The following TMEM132B variants were observed in gnomAD, a reference collection of about 807,000 sequenced individuals.
TMEM132B encodes transmembrane protein 132B.
A neutral mutation model predicts 90.8 loss-of-function variants in TMEM132B; 18 were observed. The ratio of observed to expected loss-of-function variants is 0.20; its 90% CI spans 0.14 to 0.29. The LOEUF is 0.29. Among genes scored for constraint, TMEM132B ranks in the 10% least tolerant of loss-of-function variants. TMEM132B has a pLI of 1.00. For missense variants in TMEM132B, 1,096 were observed against 1,326.8 expected (o/e 0.83, Z 2.70); for synonymous variants, 504 against 523.3 (o/e 0.96, Z 0.50).
intron 2 of TMEM132B, among the ~76,000 whole-genome samples, chr12:125,358,606 T>C (rs1593103015): frequency 6.6e-6 from 1 of 152,200 alleles, no homozygotes; most frequent in East Asian, 1.9e-4. Flanking sequence ...TTTGGGTCTG[T>C]CTGGTGTTTT....
intron 1 of TMEM132B, among the ~76,000 whole-genome samples, chr12:125,196,334 C>T (rs1399045014): frequency 6.6e-6 from 1 of 152,186 alleles, no homozygotes; most frequent in African/African-American, 2.4e-5. Context: ...TGAGTTGGGC[C>T]TTTGCCTTTT....
chr12:125,340,575 A>T (rs189732609), intron 1 of TMEM132B, among the ~76,000 whole-genome samples: 2 of 152,178 alleles, frequency 1.3e-5, no homozygotes, highest in Non-Finnish European at 2.9e-5. Context: ...GTTGTATTTC[A>T]AATTGTGTGC....
intron 3 of TMEM132B, among the ~76,000 whole-genome samples, chr12:125,422,285 A>G (rs397448): frequency 0.088 from 13,343 of 152,298 alleles, 935 homozygotes; most frequent in African/African-American, 0.19. Flanking sequence ...TCTCAGAGCC[A>G]GTATGTGGTC....
intron 1 of TMEM132B, among the ~76,000 whole-genome samples, chr12:125,218,864 C>T (rs1325954588): frequency 2.1e-5 from 3 of 144,284 alleles, no homozygotes; most frequent in Non-Finnish European, 3.0e-5. Context: ...AAACAAAAAC[C>T]TGCCCATGAA....
intron 3 of TMEM132B, among the ~76,000 whole-genome samples, chr12:125,516,264 T>A (rs558337227): frequency 1.3e-5 from 2 of 152,340 alleles, no homozygotes; most frequent in Admixed American, 1.3e-4. Context: ...CCGATCCTGA[T>A]TCCTGAAAGG....
chr12:125,506,866 A>G (rs1228525308), intron 3 of TMEM132B, among the ~76,000 whole-genome samples: 1 of 152,256 alleles, frequency 6.6e-6, no homozygotes, highest in African/African-American at 2.4e-5. Context: ...AAGGTGTTCA[A>G]TAAAGAGAAG....
chr12:125,326,590 G>T (rs776894202), intron 1 of TMEM132B: 2 of 1,594,422 alleles, frequency 1.3e-6, no homozygotes, highest in Non-Finnish European at 8.5e-7. Context: ...CTGAAGATTT[G>T]GTGCCCTCGC....
intron 3 of TMEM132B, among the ~76,000 whole-genome samples, chr12:125,497,127 G>T (rs1882583334): frequency 6.6e-6 from 1 of 152,148 alleles, no homozygotes; most frequent in Admixed American, 6.5e-5. Flanking sequence ...CCCTAAATCT[G>T]CTGTCCTCCA....
chr12:125,488,286 G>C (rs1882251977), intron 3 of TMEM132B, among the ~76,000 whole-genome samples: 1 of 152,158 alleles, frequency 6.6e-6, no homozygotes. Flanking sequence ...AAAGAAATGG[G>C]TCATAAAGTC....
At chr12:125,352,424 C>T (rs1846645) in intron 2 of TMEM132B, among the ~76,000 whole-genome samples, 10,462 of 152,272 alleles carry the variant, frequency 0.069, 1,170 homozygotes, top group African/African-American at 0.24. Flanking sequence ...CCTAATTTTG[C>T]TCACAAAAAT....
intron 3 of TMEM132B, among the ~76,000 whole-genome samples, chr12:125,511,013 A>G (rs1382543923): frequency 6.6e-6 from 1 of 152,126 alleles, no homozygotes; most frequent in Non-Finnish European, 1.5e-5. Flanking sequence ...ATTTCAGAAT[A>G]TTTTTGTCAC....
rs1876333358 is a variant in TMEM132B at position 125,318,102 on chromosome 12, CAT to C, written c.68-31348_68-31347del. On this transcript the variant is annotated intron_variant, in intron 1 of 8. Transcript: ENST00000682704. ...GGGTGGAAAATGCAAGTTGTAGAAT[CAT>C]AGAGTACAATGCTATTTATATAAAA... 2.0e-5 allele frequency among the ~76,000 whole-genome samples: 3 copies of C among 152,110 alleles called. No homozygotes were observed. The South Asian group carries it at 6.2e-4, about 32-fold the overall frequency.
At chr12:125,563,598 C>CAAACA (rs774597550) in intron 4 of TMEM132B, among the ~76,000 whole-genome samples, 60 of 150,290 alleles carry the variant, frequency 4.0e-4, no homozygotes, top group East Asian at 3.5e-3. Context: ...AACAAACAAA[C>CAAACA]AAAAAAAAAC....
At chr12:125,371,928 CT>C (rs1319043375) in intron 2 of TMEM132B, among the ~76,000 whole-genome samples, 1 of 152,178 alleles carries the variant, frequency 6.6e-6, no homozygotes, top group Non-Finnish European at 1.5e-5. Flanking sequence ...AATATGGCCT[CT>C]ATCTCCATTA....
rs1286032538 is a variant in TMEM132B at position 125,407,850 on chromosome 12, T to G, written c.960-7681T>G. 6.6e-6 allele frequency among the ~76,000 whole-genome samples: 1 copy of G among 152,234 alleles called. No individual in the cohort carries two copies. Among genetic ancestry groups the G allele is most frequent in the African/African-American group, 2.4e-5 (1 of 41,468 alleles). Reference sequence around the variant, plus strand: ...CCACCATGTCCTCCTGGCTCTGACTTACGTCCCTGTTACAATGCACTTGCT... The same window carrying G: ...CCACCATGTCCTCCTGGCTCTGACTGACGTCCCTGTTACAATGCACTTGCT... On this transcript the variant is annotated intron_variant, in intron 2 of 8. Coordinates refer to ENST00000682704, the MANE Select transcript of TMEM132B (RefSeq NM_001366854.1). The surrounding 1 kb of genome is among the most constrained non-coding windows in gnomAD (Gnocchi z 6.7).
chr12:125,508,316 G>A (rs554798506), intron 3 of TMEM132B, among the ~76,000 whole-genome samples: 2 of 152,294 alleles, frequency 1.3e-5, no homozygotes, highest in East Asian at 1.9e-4. Context: ...GATCTTTGTA[G>A]GTCAGCCACG....
chr12:125,424,765 G>A (rs890997188), intron 3 of TMEM132B, among the ~76,000 whole-genome samples: 1 of 152,120 alleles, frequency 6.6e-6, no homozygotes, highest in Admixed American at 6.5e-5. Flanking sequence ...CTGCAACAGT[G>A]GAAAAGAGAC....
intron 4 of TMEM132B, among the ~76,000 whole-genome samples, chr12:125,575,083 T>TATATATATATATATATATA (rs61155232): frequency 3.2e-3 from 368 of 114,448 alleles, no homozygotes; most frequent in East Asian, 6.5e-3. Flanking sequence ...TATATATATA[T>TATATATATATATATATATA]TCAGGAGTAG....
chr12:125,255,817 G>A (rs1874427210), intron 1 of TMEM132B, among the ~76,000 whole-genome samples: 1 of 152,214 alleles, frequency 6.6e-6, no homozygotes. Context: ...AAGTAGAGAT[G>A]AAAGATGGCT....
Sources: allele counts gnomAD v4.1 joint callset (sites outside exome capture counted in the v4.1 genomes callset), GRCh38; gene constraint gnomAD v4.1.1; non-coding constraint Gnocchi (gnomAD v3.1); transcripts MANE v1.5; gene names NCBI Gene and HGNC (gene_info 2026-07-23, HGNC 2026-07-21).